Variants in FRAS1 observed in about 807,000 individuals in gnomAD.
The protein encoded by FRAS1 is extracellular matrix organizing protein FRAS1.
FRAS1 carries 290 observed loss-of-function variants against 435.2 expected under a neutral mutation model. The observed-to-expected ratio is 0.67, with a 90% CI of 0.61 to 0.73. FRAS1 has a LOEUF of 0.73. Ranked by LOEUF, FRAS1 falls within the 30% of genes least tolerant of loss-of-function variation. The pLI, the probability that FRAS1 is intolerant of heterozygous loss-of-function variation, is 0.00. For missense variants in FRAS1, 4,860 were observed against 5,001.5 expected, an observed-to-expected ratio of 0.97 and a Z score of 0.85; for synonymous variants, 1,800 against 1,851.0, an observed-to-expected ratio of 0.97 and a Z score of 0.71.
intron 13 of FRAS1, among the ~76,000 whole-genome samples, 153 bp downstream of exon 13, chr4:78,284,701 A>G (rs1727499556): frequency 6.6e-6 from 1 of 152,176 alleles, no homozygotes; most frequent in Non-Finnish European, 1.5e-5. Flanking sequence ...AACCTCTAGA[A>G]GGTAGTAATG....
chr4:78,418,137 G>C (rs1733624778), intron 32 of FRAS1, among the ~76,000 whole-genome samples: 1 of 152,210 alleles, frequency 6.6e-6, no homozygotes, highest in South Asian at 2.1e-4. Context: ...TCAGCCGTCT[G>C]ATTAACATTG....
At chr4:78,396,441 A>C (rs1447869130) in intron 29 of FRAS1, among the ~76,000 whole-genome samples, 1 of 152,210 alleles carries the variant, frequency 6.6e-6, no homozygotes, top group Non-Finnish European at 1.5e-5. Flanking sequence ...AAACTCCCTC[A>C]GCCTTTGTCT....
intron 2 of FRAS1, among the ~76,000 whole-genome samples, chr4:78,186,188 T>C (rs1722259648): frequency 6.6e-6 from 1 of 152,200 alleles, no homozygotes; most frequent in Non-Finnish European, 1.5e-5. Context: ...ATGTCTGATT[T>C]TTTTAGAGAG....
intron 2 of FRAS1, among the ~76,000 whole-genome samples, chr4:78,195,611 A>T (rs975990274): frequency 1.3e-5 from 2 of 152,144 alleles, no homozygotes; most frequent in Non-Finnish European, 2.9e-5. Context: ...ATTTGCTATG[A>T]TCCTTGGAAA....
rs564141033 is a variant in FRAS1, at chr4:78,267,041, T to C, written c.789+106T>C. ...TTTGGGGGAATCAAAAGTTTTATAA[T>C]GTTTGCAAAGTTACATAAAGATATG... On this transcript the variant is annotated intron_variant, in intron 8 of 73. Transcript: ENST00000512123. The C allele has an allele frequency of 1.5e-3, 1,470 of 963,980 alleles. 20 individuals carry two copies. The South Asian group carries it at 0.02, about 13-fold the overall frequency. 59.7% of individuals were successfully genotyped at this position (963,980 alleles called of 1,614,324 possible). A position where few individuals can be genotyped will look rare whatever the true frequency, so the allele number is the denominator to read the frequency against.
intron 2 of FRAS1, among the ~76,000 whole-genome samples, chr4:78,191,588 C>T (rs528338539): frequency 1.9e-4 from 29 of 149,806 alleles, no homozygotes; most frequent in South Asian, 1.7e-3. Context: ...GTGTGCACAA[C>T]GTGCAGGTTT....
rs1437423495 is a variant in FRAS1 at position 78,260,026 on chromosome 4, G to A, written c.603+4651G>A. ...AAAGATCAGATAGTTGTAGATATGC[G>A]GAGTTATTTCTGAGGGCTCTGTTCC... On this transcript the variant is annotated intron_variant, in intron 6 of 73. Transcript: ENST00000512123. Among the ~76,000 whole-genome samples the A allele has an allele frequency of 1.2e-4, 18 of 152,158 alleles. No homozygotes were observed. In the East Asian group the frequency reaches 1.7e-3, roughly 15 times the overall value.
intron 66 of FRAS1, 78 bp downstream of exon 66, chr4:78,516,091 A>G (rs1189326688): frequency 3.4e-5 from 39 of 1,138,870 alleles, no homozygotes; most frequent in Non-Finnish European, 3.5e-5. Flanking sequence ...AAGCACTTCA[A>G]TTAGCACTTT....
intron 44 of FRAS1, 81 bp downstream of exon 44, chr4:78,448,397 T>C (rs1560734247): frequency 7.7e-7 from 1 of 1,302,156 alleles, no homozygotes; most frequent in Non-Finnish European, 1.0e-6. Flanking sequence ...CTTTCTTCCA[T>C]GTTAGTGATG....
intron 2 of FRAS1, among the ~76,000 whole-genome samples, chr4:78,196,358 C>T (rs1722814777): frequency 6.6e-6 from 1 of 152,148 alleles, no homozygotes; most frequent in Non-Finnish European, 1.5e-5. Context: ...GTATCTCTAG[C>T]ATCTGGTACA....
intron 34 of FRAS1, 57 bp from the exon 35 acceptor site, chr4:78,424,331 T>C: frequency 1.1e-6 from 1 of 906,346 alleles, no homozygotes. Flanking sequence ...GTACCTTTCC[T>C]ATCTCTCTCT....
rs77062480 is a variant in FRAS1 at position 78,121,363 on chromosome 4, C to T, written c.108+55347C>T. On this transcript the variant is annotated intron_variant, in intron 2 of 73. Transcript: ENST00000512123. Reference sequence around the variant, plus strand: ...GTTTAAATTTCTTAAAACAAGCCCCCCACATACTGAGAGTATTCATTGGCA... The same window carrying T: ...GTTTAAATTTCTTAAAACAAGCCCCTCACATACTGAGAGTATTCATTGGCA... Among the ~76,000 whole-genome samples, 23 of 152,294 alleles carry T rather than the reference C, an allele frequency of 1.5e-4. No individual in the cohort carries two copies. The East Asian group carries it at 3.9e-3, about 26-fold the overall frequency.
intron 1 of FRAS1, among the ~76,000 whole-genome samples, chr4:78,059,162 A>G (rs1739625083): frequency 6.6e-6 from 1 of 152,090 alleles, no homozygotes; most frequent in Admixed American, 6.5e-5. Flanking sequence ...CCTGGTGCCT[A>G]GGAAGGGGCG....
chr4:78,280,856 G>A (rs574907495), intron 10 of FRAS1, among the ~76,000 whole-genome samples: 1 of 152,182 alleles, frequency 6.6e-6, no homozygotes, highest in African/African-American at 2.4e-5. Flanking sequence ...TGAGAACATT[G>A]GCATTATTAT....
intron 18 of FRAS1, among the ~76,000 whole-genome samples, chr4:78,321,351 A>G (rs913941614): frequency 2.0e-5 from 3 of 152,214 alleles, no homozygotes; most frequent in African/African-American, 7.2e-5. Flanking sequence ...TCCAGTATCC[A>G]GTATCCGTGC....
At chr4:78,511,669 G>GC (rs1721046571) in intron 64 of FRAS1, 163 bp downstream of exon 64, 2 of 683,042 alleles carry the variant, frequency 2.9e-6, no homozygotes, top group South Asian at 1.5e-5. Flanking sequence ...TCAAGCTCGG[G>GC]CCCCCTGCCT....
At chr4:78,152,607 C>CTTTTTTTTTTTTTTTTTTTTTTT (rs71214398) in intron 2 of FRAS1, among the ~76,000 whole-genome samples, 2 of 72,412 alleles carry the variant, frequency 2.8e-5, no homozygotes, top group Non-Finnish European at 4.8e-5. Flanking sequence ...ATGTAGGCTG[C>CTTTTTTTTTTTTTTTTTTTTTTT]TTTTTTTTTT....
At chr4:78,484,288 C>G (rs1380664947) in intron 58 of FRAS1, among the ~76,000 whole-genome samples, 1 of 152,100 alleles carries the variant, frequency 6.6e-6, no homozygotes, top group Non-Finnish European at 1.5e-5. Flanking sequence ...GTTTACTCAC[C>G]TATTGAATGA....
rs768098548 is a variant in FRAS1, at chr4:78,266,861, T to C, written c.715T>C (p.Cys239Arg). The part of the protein sequence containing the change: ...EHGEQWSENA[C>R]TTCICDRGEV... The stretch of plus-strand genomic sequence containing the variant: ...TGGTGAGCAGTGGAGCGAAAATGCC[T>C]GCACCACGTGTATATGTGACCGGGG... The change falls in exon 8 of 74, where the codon TGC (cysteine) becomes CGC (arginine). Residue 239 changes from cysteine (C) to arginine (R), a missense_variant. Coordinates refer to ENST00000512123, the MANE Select transcript of FRAS1 (RefSeq NM_025074.7). 3 of 1,606,310 alleles carry C rather than the reference T, an allele frequency of 1.9e-6. No individual in the cohort carries two copies. Among genetic ancestry groups the C allele is most frequent in the Non-Finnish European group, 2.6e-6 (3 of 1,176,288 alleles).
Sources: allele counts gnomAD v4.1 joint callset (sites outside exome capture counted in the v4.1 genomes callset), GRCh38; gene constraint gnomAD v4.1.1; transcripts MANE v1.5; gene names NCBI Gene and HGNC (gene_info 2026-07-23, HGNC 2026-07-21).